TP63: variants seen among roughly 807,000 people sequenced by gnomAD.
TP63 encodes the protein tumor protein p63.
A neutral mutation model predicts 82.8 loss-of-function variants in TP63; 17 were observed. The observed-to-expected ratio is 0.21, with a 90% CI of 0.14 to 0.31. The LOEUF (loss-of-function observed/expected upper bound fraction) is 0.31, where lower values mean the gene tolerates loss of function less well. Ranked by LOEUF, TP63 falls within the 10% of genes least tolerant of loss-of-function variation. The pLI, the probability that TP63 is intolerant of heterozygous loss-of-function variation, is 1.00. For missense variants in TP63, 648 were observed against 895.3 expected, an observed-to-expected ratio of 0.72 and a Z score of 3.52; for synonymous variants, 330 against 321.7, an observed-to-expected ratio of 1.03 and a Z score of -0.28.
chr3:189,871,789 A>G (rs895837501), intron 9 of TP63, among the ~76,000 whole-genome samples: 3 of 152,076 alleles, frequency 2.0e-5, no homozygotes, highest in African/African-American at 4.8e-5. Flanking sequence ...TGGCAGGATC[A>G]TGGTTCACTG....
At chr3:189,723,754 T>G (rs551145871) in intron 1 of TP63, among the ~76,000 whole-genome samples, 1 of 152,346 alleles carries the variant, frequency 6.6e-6, no homozygotes, top group African/African-American at 2.4e-5. Flanking sequence ...CTACCAGGTA[T>G]CCTTAAGAAA....
chr3:189,597,528 G>A, the TP63 span, among the ~76,000 whole-genome samples: 8 of 152,190 alleles, frequency 5.3e-5, no homozygotes, highest in Non-Finnish European at 5.9e-5. Context: ...ATGACAAAAT[G>A]TGGTAAAAAT....
At chr3:189,708,227 G>T (rs1007785713) in intron 1 of TP63, among the ~76,000 whole-genome samples, 1 of 152,092 alleles carries the variant, frequency 6.6e-6, no homozygotes, top group Non-Finnish European at 1.5e-5. Flanking sequence ...TTTTAACTTC[G>T]AACTTGGAAC....
Position 189,830,951 on chromosome 3 carries a change from A to G in TP63, c.579+22425A>G, listed in dbSNP as rs532159260. On this transcript the variant is annotated intron_variant, in intron 4 of 13. Coordinates refer to ENST00000264731, the MANE Select transcript of TP63 (RefSeq NM_003722.5). ...GATTATTTAAGGTTTGCAAATGTGT[A>G]AAATTATCTCACTACAATACTAGGG... Among the ~76,000 whole-genome samples, 12 of 152,364 alleles carry G rather than the reference A, an allele frequency of 7.9e-5. No homozygotes were observed. In the South Asian group the frequency reaches 2.3e-3, roughly 29 times the overall value.
At chr3:189,657,865 C>T (rs1005088793) in intron 1 of TP63, among the ~76,000 whole-genome samples, 2 of 151,906 alleles carry the variant, frequency 1.3e-5, no homozygotes, top group Admixed American at 6.6e-5. Flanking sequence ...GAGTGATGTC[C>T]CAGGAGCAAA....
chr3:189,896,520 G>A lies in TP63; in HGVS notation c.*2018G>A, dbSNP rs1055339868. On this transcript the variant is annotated 3_prime_UTR_variant, in exon 14 of 14. Transcript: ENST00000264731. Reference sequence around the variant, plus strand: ...TTTCAAAGTTTTGTTGTACTTAAATGGTAATAAGCACTGTAAACTTCTGCA... The same window carrying A: ...TTTCAAAGTTTTGTTGTACTTAAATAGTAATAAGCACTGTAAACTTCTGCA... 1 of 208,566 alleles carries A rather than the reference G, an allele frequency of 4.8e-6. No homozygotes were observed. The highest frequency in any genetic ancestry group is 5.9e-5 in the Admixed American group (1 of 16,870). 12.9% of individuals were successfully genotyped at this position (208,566 alleles called of 1,614,324 possible).
chr3:189,643,277 A>G (rs1369182836), intron 1 of TP63, among the ~76,000 whole-genome samples: 4 of 152,170 alleles, frequency 2.6e-5, no homozygotes, highest in Admixed American at 6.5e-5. Flanking sequence ...CTGAGACTAC[A>G]GGCGTGAGCC....
intron 1 of TP63, among the ~76,000 whole-genome samples, chr3:189,712,391 A>G (rs180902154): frequency 1.8e-4 from 27 of 152,310 alleles, no homozygotes; most frequent in African/African-American, 6.0e-4. Context: ...ACAAAATACC[A>G]TAAACTGGGT....
chr3:189,731,354 A>G (rs896145785), intron 1 of TP63, among the ~76,000 whole-genome samples: 1 of 151,570 alleles, frequency 6.6e-6, no homozygotes, highest in African/African-American at 2.4e-5. Flanking sequence ...AAAAAAAAAG[A>G]AAAAAAAAGA....
intron 1 of TP63, among the ~76,000 whole-genome samples, chr3:189,640,072 A>C (rs73194170): frequency 0.21 from 31,731 of 151,956 alleles, 4,107 homozygotes; most frequent in Admixed American, 0.31. Flanking sequence ...CTGTCTTTGC[A>C]CTTGAATTTA....
intron 4 of TP63, among the ~76,000 whole-genome samples, chr3:189,859,206 A>G: frequency 6.6e-6 from 1 of 152,222 alleles, no homozygotes; most frequent in Non-Finnish European, 1.5e-5. Context: ...CAATATAGAC[A>G]TGTATCAAAA....
intron 8 of TP63, 93 bp from the exon 9 acceptor site, chr3:189,869,231 A>T (rs1718109729): frequency 1.0e-6 from 1 of 974,322 alleles, no homozygotes; most frequent in African/African-American, 1.6e-5. Context: ...ATTAAATCTG[A>T]TTAACATTAA....
chr3:189,770,941 GCTCTACAGT>G (rs751555128), intron 3 of TP63, among the ~76,000 whole-genome samples: 1,653 of 152,198 alleles, frequency 0.011, 13 homozygotes, highest in Non-Finnish European at 0.017. Context: ...TTTGAGTAAT[GCTCTACAGT>G]TTAAAAAGTC....
At chr3:189,728,175 A>T (rs939180668) in intron 1 of TP63, among the ~76,000 whole-genome samples, 53 of 50,614 alleles carry the variant, frequency 1.0e-3, no homozygotes, top group African/African-American at 5.4e-3. Flanking sequence ...TCGTTTATAA[A>T]AAAAAAAAAA....
At chr3:189,881,231 TG>T in intron 10 of TP63, 1 of 985,414 alleles carries the variant, frequency 1.0e-6, no homozygotes, top group African/African-American at 1.7e-5. Flanking sequence ...TCAGCACTCC[TG>T]GACTGGAAAT....
At chr3:189,771,211 T>C (rs1351226823) in intron 3 of TP63, among the ~76,000 whole-genome samples, 1 of 147,852 alleles carries the variant, frequency 6.8e-6, no homozygotes, top group Non-Finnish European at 1.5e-5. Flanking sequence ...AAAGATAACG[T>C]TTTCTTTATT....
rs973858482 is a variant in TP63 at position 189,896,364 on chromosome 3, T to C, written c.*1862T>C. ...TTTTTTTATCGTTTTTGTATTTTCA[T>C]GAAAATACCATTTAGTAAGAATACC... On this transcript the variant is annotated 3_prime_UTR_variant, in exon 14 of 14. Coordinates refer to ENST00000264731, the MANE Select transcript of TP63 (RefSeq NM_003722.5). 4.9e-6 allele frequency: 1 copy of C among 203,676 alleles called. No individual in the cohort carries two copies. The highest frequency in any genetic ancestry group is 1.0e-5 in the Non-Finnish European group (1 of 98,962). The allele number at this position is 203,676 out of a possible 1,614,324, so 12.6% of individuals were successfully genotyped here.
intron 4 of TP63, among the ~76,000 whole-genome samples, chr3:189,828,921 CTAT>C (rs1711866712): frequency 6.6e-6 from 1 of 152,052 alleles, no homozygotes; most frequent in South Asian, 2.1e-4. Context: ...GAAATGAATG[CTAT>C]TATTATAAAT....
chr3:189,612,277 G>A, the TP63 span, among the ~76,000 whole-genome samples: 2 of 151,950 alleles, frequency 1.3e-5, no homozygotes, highest in Admixed American at 6.6e-5. Flanking sequence ...GGGAAGCACC[G>A]AGAAGAAGGT....
Sources: allele counts gnomAD v4.1 joint callset (sites outside exome capture counted in the v4.1 genomes callset), GRCh38; gene constraint gnomAD v4.1.1; transcripts MANE v1.5; gene names NCBI Gene and HGNC (gene_info 2026-07-23, HGNC 2026-07-21).